The following RYR2 variants were observed in gnomAD, a reference collection of about 807,000 sequenced individuals.
RYR2 encodes cardiac muscle ryanodine receptor-calcium release channel.
Under a neutral mutation model 601.1 loss-of-function variants are expected in RYR2, and 227 were observed. That is an observed-to-expected ratio of 0.38 (90% CI 0.34 to 0.42). RYR2 has a LOEUF of 0.42. Among genes scored for constraint, RYR2 ranks in the 10% least tolerant of loss-of-function variants. The pLI is 1.00. For synonymous variants in RYR2, 2,223 were observed against 2,175.1 expected (o/e 1.02, Z -0.61); for missense variants, 4,646 against 6,156.5 (o/e 0.75, Z 8.21).
At chr1:237,619,469 C>T (rs1678836271) in intron 38 of RYR2, among the ~76,000 whole-genome samples, 1 of 151,908 alleles carries the variant, frequency 6.6e-6, no homozygotes, top group Non-Finnish European at 1.5e-5. Context: ...ATCAACTACC[C>T]CATCTGAAGA....
At position 237,788,153 on chromosome 1, in the gene RYR2, G is replaced by A; in HGVS notation, c.13476+18G>A. ...AACTTCTAGTAAGATGTTTTAGAATGAATATTGTTACTGATATAGTGCAAT... is the reference window on the plus strand; with the variant it reads ...AACTTCTAGTAAGATGTTTTAGAATAAATATTGTTACTGATATAGTGCAAT... On this transcript the variant is annotated intron_variant, in intron 92 of 104. Coordinates refer to ENST00000366574, the MANE Select transcript of RYR2 (RefSeq NM_001035.3). The A allele has an allele frequency of 6.3e-7, 1 of 1,585,136 alleles. No individual in the cohort carries two copies. Among genetic ancestry groups the A allele is most frequent in the Admixed American group, 1.7e-5 (1 of 58,396 alleles).
At chr1:237,337,283 C>G (rs1697340153) in intron 3 of RYR2, among the ~76,000 whole-genome samples, 1 of 149,262 alleles carries the variant, frequency 6.7e-6, no homozygotes, top group Non-Finnish European at 1.5e-5. Context: ...CAGTGGGAAG[C>G]AACTGGCTAA....
intron 17 of RYR2, among the ~76,000 whole-genome samples, chr1:237,479,330 A>G (rs1661768300): frequency 6.6e-6 from 1 of 152,154 alleles, no homozygotes; most frequent in Non-Finnish European, 1.5e-5. Context: ...GTATTGCACA[A>G]CCTTTCTCCT....
intron 1 of RYR2, among the ~76,000 whole-genome samples, chr1:237,143,979 A>C (rs527721592): frequency 6.6e-6 from 1 of 152,226 alleles, no homozygotes; most frequent in South Asian, 2.1e-4. Context: ...AAATACAAAA[A>C]TTAGCTGCGC....
chr1:237,392,287 A>C (rs1428861979), intron 10 of RYR2, among the ~76,000 whole-genome samples: 2 of 152,096 alleles, frequency 1.3e-5, no homozygotes, highest in Admixed American at 1.3e-4. Flanking sequence ...CCAACAATAA[A>C]TTTATTGTAC....
chr1:237,605,560 T>C (rs1677026544), intron 35 of RYR2, among the ~76,000 whole-genome samples: 2 of 152,352 alleles, frequency 1.3e-5, no homozygotes, highest in Non-Finnish European at 2.9e-5. Flanking sequence ...TTGAAAGTTC[T>C]GGCCAGAGCA....
chr1:237,236,865 A>T (rs927779981), intron 1 of RYR2, among the ~76,000 whole-genome samples: 2 of 152,198 alleles, frequency 1.3e-5, no homozygotes, highest in Non-Finnish European at 2.9e-5. Context: ...TGGAGGCTCT[A>T]TCCAACCATT....
At chr1:237,794,941 A>G (rs1467631663) in intron 95 of RYR2, among the ~76,000 whole-genome samples, 1 of 152,202 alleles carries the variant, frequency 6.6e-6, no homozygotes, top group African/African-American at 2.4e-5. Flanking sequence ...AAACAATGAC[A>G]GGTTTCTAGA....
chr1:237,427,712 G>A (rs1214947917), intron 12 of RYR2, among the ~76,000 whole-genome samples: 1 of 148,118 alleles, frequency 6.8e-6, no homozygotes, highest in Non-Finnish European at 1.5e-5. Context: ...GAACCTGGGA[G>A]GCAGAGGTTG....
chr1:237,659,700 A>C (rs972752588), intron 54 of RYR2, among the ~76,000 whole-genome samples: 6 of 152,222 alleles, frequency 3.9e-5, no homozygotes, highest in African/African-American at 1.4e-4. Flanking sequence ...AAGTGCTTCT[A>C]ATCTCTAGAT....
At chr1:237,382,630 C>T (rs1274922306) in intron 8 of RYR2, among the ~76,000 whole-genome samples, 3 of 145,866 alleles carry the variant, frequency 2.1e-5, no homozygotes, top group East Asian at 2.1e-4. Context: ...TTCGGTGTTT[C>T]GTTTTCTATC....
intron 1 of RYR2, among the ~76,000 whole-genome samples, chr1:237,152,673 C>G (rs1166377969): frequency 6.6e-6 from 1 of 152,064 alleles, no homozygotes; most frequent in Non-Finnish European, 1.5e-5. Context: ...GGATTAAAGA[C>G]TTAAATGTAA....
intron 8 of RYR2, among the ~76,000 whole-genome samples, chr1:237,380,142 G>T (rs931025512): frequency 2.0e-5 from 3 of 151,466 alleles, no homozygotes; most frequent in Admixed American, 6.6e-5. Context: ...CACCATGGTG[G>T]ATAGTAGCGG....
chr1:237,132,167 G>A (rs894161761), intron 1 of RYR2, among the ~76,000 whole-genome samples: 6 of 152,200 alleles, frequency 3.9e-5, no homozygotes, highest in Non-Finnish European at 5.9e-5. Context: ...TCTCTGTTTG[G>A]TGACACGTTC....
intron 60 of RYR2, among the ~76,000 whole-genome samples, chr1:237,676,727 A>C (rs1304573196): frequency 6.6e-6 from 1 of 152,158 alleles, no homozygotes; most frequent in African/African-American, 2.4e-5. Context: ...TCCTAGACCT[A>C]AGTTAATTGT....
At chr1:237,056,695 C>CTATGAGGACTAGAGACTGCAT (rs1558156035) in intron 1 of RYR2, among the ~76,000 whole-genome samples, 1 of 106,904 alleles carries the variant, frequency 9.4e-6, no homozygotes, top group Non-Finnish European at 1.9e-5. Context: ...AGCACTGCAC[C>CTATGAGGACTAGAGACTGCAT]TGTGAGGACT....
intron 65 of RYR2, among the ~76,000 whole-genome samples, chr1:237,700,838 G>T (rs992469137): frequency 2.0e-5 from 3 of 152,166 alleles, no homozygotes; most frequent in Non-Finnish European, 4.4e-5. Context: ...AGTCAATGTA[G>T]ATTGTTTCTC....
At chr1:237,587,810 A>G (rs913071905) in intron 29 of RYR2, among the ~76,000 whole-genome samples, 1 of 152,210 alleles carries the variant, frequency 6.6e-6, no homozygotes, top group Non-Finnish European at 1.5e-5. Context: ...AAGGTCAACT[A>G]TACAGATATT....
At chr1:237,289,845 A>AT (rs1692016755) in intron 2 of RYR2, among the ~76,000 whole-genome samples, 4 of 152,338 alleles carry the variant, frequency 2.6e-5, no homozygotes, top group East Asian at 1.9e-4. Context: ...AAATGCTAAG[A>AT]TTTTTTGTCA....
Sources: allele counts gnomAD v4.1 joint callset (sites outside exome capture counted in the v4.1 genomes callset), GRCh38; gene constraint gnomAD v4.1.1; transcripts MANE v1.5; gene names NCBI Gene and HGNC (gene_info 2026-07-23, HGNC 2026-07-21).